Variants in SLC39A4 observed in about 807,000 individuals in gnomAD.
SLC39A4 encodes the protein zinc transporter ZIP4.
SLC39A4 carries 49 observed loss-of-function variants against 56.6 expected under a neutral mutation model. That is an observed-to-expected ratio of 0.87 (90% confidence interval 0.69 to 1.10). The LOEUF is 1.10. SLC39A4 is among the 50% of genes least tolerant of loss of function. SLC39A4 has a pLI of 0.00. For missense variants in SLC39A4, 993 were observed against 864.2 expected, an observed-to-expected ratio of 1.15 and a Z score of -1.87; for synonymous variants, 540 against 420.4, an observed-to-expected ratio of 1.28 and a Z score of -3.48.
chr8:144,412,633 G>A lies in SLC39A4; in HGVS notation c.1849C>T (p.Pro617Ser). Residue 617 changes from proline to serine, a missense_variant, in exon 12 of 12, where the codon CCC becomes TCC. By Grantham distance (74) the Pro-to-Ser change is moderately conservative. Transcript: ENST00000301305. ...TTGTGCAGCAGGAAGAGGAGCCAGG[G>A]CCGCGGGTCCCGTACTTTCAACATC... ...PAMLKVRDPR[P>S]WLLFLLHNVG... is the part of the protein sequence containing the mutation. The A allele has an allele frequency of 6.2e-7, 1 of 1,614,116 alleles. No homozygotes were observed. The highest frequency in any genetic ancestry group is 1.6e-4 in the Middle Eastern group (1 of 6,062).
intron 1 of SLC39A4, 132 bp from the exon 2 acceptor site, chr8:144,416,223 T>G: frequency 6.3e-7 from 1 of 1,585,212 alleles, no homozygotes; most frequent in Non-Finnish European, 8.5e-7. Flanking sequence ...TCTCAACCCC[T>G]GGCGCCCTTC....
Position 144,416,782 on chromosome 8 carries a change from G to A in SLC39A4, c.8C>T (p.Ser3Phe), listed in dbSNP as rs1414595491. 8 of 1,611,978 alleles carry A rather than the reference G, an allele frequency of 5.0e-6. No homozygotes were observed. In the Admixed American group the frequency reaches 1.3e-4, roughly 27 times the overall value. MASLVSLELGLLL... is the reference protein window; with the variant it reads MAFLVSLELGLLL... ...CAGCCCCAGCTCCAGCGAGACCAGG[G>A]ACGCCATACTCAGCTCCCAGCGTGC... The change falls in exon 1 of 12, where the codon TCC becomes TTC. Residue 3 changes from serine to phenylalanine, a missense_variant. Transcript: ENST00000301305.
intron 8 of SLC39A4, 64 bp from the exon 9 acceptor site, chr8:144,413,631 G>GGCCCC: frequency 6.5e-7 from 1 of 1,547,118 alleles, no homozygotes; most frequent in Non-Finnish European, 8.7e-7. Flanking sequence ...GGCGGGGCGG[G>GGCCCC]GCCCCAGATC....
chr8:144,415,627 G>A (rs1207795424), intron 2 of SLC39A4, among the ~76,000 whole-genome samples, 183 bp downstream of exon 2: 2 of 152,148 alleles, frequency 1.3e-5, no homozygotes, highest in Non-Finnish European at 2.9e-5. Flanking sequence ...TCCCTCCCGG[G>A]GCTCCTACAG....
At position 144,415,062 on chromosome 8, in the gene SLC39A4, C is replaced by T. The variant is rs1257206086; in HGVS notation, c.716G>A (p.Ser239Asn). The T allele has an allele frequency of 6.2e-7, 1 of 1,611,378 alleles. No homozygotes were observed. Among genetic ancestry groups the T allele is most frequent in the East Asian group, 2.2e-5 (1 of 44,896 alleles). The change falls in exon 4 of 12, where the codon AGT (serine) becomes AAT (asparagine). Residue 239 changes from serine (S) to asparagine (N), a missense_variant. Physicochemically the swap from Ser to Asn is conservative, Grantham distance 46 (BLOSUM62 1). Coordinates refer to ENST00000301305, the MANE Select transcript of SLC39A4 (RefSeq NM_130849.4). ...TCCCCTGTGCCGATGACTGTGGTCA[C>T]TGTGGGCCTCCCTGCCCACCCCCAG... ...QRLGVGREAH[S>N]DHSHRHRGAS...
chr8:144,416,636 C>G lies in SLC39A4; in HGVS notation c.154G>C (p.Ala52Pro). ...CCGTTGGCGCAGTGCACACGGTCCG[C>G]CAGCGTATTTAACAGGCCGCCCAGA... is the stretch of plus-strand genomic sequence containing the variant. ...EALGGLLNTL[A>P]DRVHCANGPC... Residue 52 changes from alanine (A) to proline (P), a missense_variant, in exon 1 of 12, where the codon GCG becomes CCG. Coordinates refer to ENST00000301305, the MANE Select transcript of SLC39A4 (RefSeq NM_130849.4). The G allele has an allele frequency of 6.2e-7, 1 of 1,605,880 alleles. No homozygotes were observed. The highest frequency in any genetic ancestry group is 8.5e-7 in the Non-Finnish European group (1 of 1,177,118).
At chr8:144,413,902 T>G in intron 7 of SLC39A4, 21 bp from the exon 8 acceptor site, 1 of 1,609,442 alleles carries the variant, frequency 6.2e-7, no homozygotes, top group Non-Finnish European at 8.5e-7. Flanking sequence ...AGGTGCTCAG[T>G]GTCCACCAGG....
rs782031962 is a variant in SLC39A4 at position 144,415,050 on chromosome 8, T to C, written c.728A>G (p.His243Arg). ...CCGGCTGCTGGCTCCCCTGTGCCGA[T>C]GACTGTGGTCACTGTGGGCCTCCCT... is the stretch of plus-strand genomic sequence containing the variant. ...VGREAHSDHS[H>R]RHRGASSRDP... Residue 243 changes from histidine (H) to arginine (R), a missense_variant, in exon 4 of 12, where the codon CAT becomes CGT. Transcript: ENST00000301305. 2 of 1,611,532 alleles carry C rather than the reference T, an allele frequency of 1.2e-6. No individual in the cohort carries two copies. The highest frequency in any genetic ancestry group is 1.7e-5 in the Admixed American group (1 of 60,004).
chr8:144,416,704 A>G lies in SLC39A4; in HGVS notation c.86T>C (p.Leu29Pro), dbSNP rs1554874157. 6.2e-7 allele frequency: 1 copy of G among 1,612,540 alleles called. No individual in the cohort carries two copies. Among genetic ancestry groups the G allele is most frequent in the East Asian group, 2.2e-5 (1 of 44,886 alleles). ...GCCCTGGCCAGAGGTGAGCAGGCTC[A>G]GCAGACCAGCAGGCGGGGACGCCGT... ...TATASPPAGLLSLLTSGQGAL... is the reference protein window; with the variant it reads ...TATASPPAGLPSLLTSGQGAL... Residue 29 changes from leucine (L) to proline (P), a missense_variant, in exon 1 of 12, where the codon CTG (leucine) becomes CCG (proline). Physicochemically the swap from Leu to Pro is moderately conservative, Grantham distance 98. Transcript: ENST00000301305.
intron 1 of SLC39A4, 81 bp downstream of exon 1, chr8:144,416,517 A>C: frequency 6.6e-7 from 1 of 1,517,916 alleles, no homozygotes; most frequent in Non-Finnish European, 8.8e-7. Context: ...GAGTTTGCCC[A>C]GGGCCCTTTG....
rs377147012 is a variant in SLC39A4, at chr8:144,414,072, G to A, written c.1173C>T (p.Ser391=). Residue 391 remains serine, a synonymous_variant, in exon 7 of 12, where the codon AGC becomes AGT. Transcript: ENST00000301305. The part of the protein sequence containing the change: ...TPKVLGLHTH[S]EEGLSPQPTW... ...TGGGCTGTGGGCTGAGGCCCTCTTC[G>A]CTGTGTGTATGCAGCCCCAGCACCT... The A allele has an allele frequency of 6.4e-6, 10 of 1,562,102 alleles. No homozygotes were observed. The Admixed American group carries it at 7.7e-5, about 12-fold the overall frequency.
rs121434287 is a variant in SLC39A4 at position 144,415,295 on chromosome 8, G to A, written c.599C>T (p.Pro200Leu). The change falls in exon 3 of 12, where the codon CCG becomes CTG. Residue 200 changes from proline (P) to leucine (L), a missense_variant. Physicochemically the swap from Pro to Leu is moderately conservative, Grantham distance 98. Transcript: ENST00000301305. ...VRSGSCFHAL[P>L]SPQYFVDFVF... is the part of the protein sequence containing the mutation. ...AAAGTCCACGAAGTACTGAGGGCTC[G>A]GCAAGGCGTGGAAGCAAGACCCGCT... 286 of 1,613,194 alleles carry A rather than the reference G, an allele frequency of 1.8e-4. No individual in the cohort carries two copies. The highest frequency in any genetic ancestry group is 2.2e-4 in the Non-Finnish European group (260 of 1,179,842).
chr8:144,416,553 C>A, intron 1 of SLC39A4, 45 bp downstream of exon 1: 1 of 1,541,856 alleles, frequency 6.5e-7, no homozygotes. Context: ...GCGGAGCTGG[C>A]GGGAAGAGGC....
intron 8 of SLC39A4, 57 bp from the exon 9 acceptor site, chr8:144,413,624 G>GGGGC: frequency 6.5e-7 from 1 of 1,547,466 alleles, no homozygotes; most frequent in Non-Finnish European, 8.7e-7. Flanking sequence ...GCGGTGGGGC[G>GGGGC]GGGCGGGGCC....
chr8:144,412,645 G>A lies in SLC39A4; in HGVS notation c.1837C>T (p.Arg613Trp), dbSNP rs781843190. The change falls in exon 12 of 12, where the codon CGG (arginine) becomes TGG (tryptophan). Residue 613 changes from arginine (R) to tryptophan (W), a missense_variant. Arg to Trp is a moderately radical substitution (Grantham distance 101). Coordinates refer to ENST00000301305, the MANE Select transcript of SLC39A4 (RefSeq NM_130849.4). Reference sequence around the variant, plus strand: ...AAGAGGAGCCAGGGCCGCGGGTCCCGTACTTTCAACATCGCCGGGAGCTGA... The same window carrying A: ...AAGAGGAGCCAGGGCCGCGGGTCCCATACTTTCAACATCGCCGGGAGCTGA... ...CDMLPAMLKV[R>W]DPRPWLLFLL... 2.0e-5 allele frequency: 33 copies of A among 1,613,922 alleles called. No homozygotes were observed. The highest frequency in any genetic ancestry group is 2.2e-5 in the South Asian group (2 of 91,084).
chr8:144,414,127 G>A (rs1001881338), intron 6 of SLC39A4, 32 bp from the exon 7 acceptor site: 1 of 1,554,794 alleles, frequency 6.4e-7, no homozygotes, highest in Non-Finnish European at 8.7e-7. Flanking sequence ...CTGGGGGGGA[G>A]GTCCCAGGGC....
chr8:144,414,003 G>T lies in SLC39A4; in HGVS notation c.1242C>A (p.Phe414Leu). Residue 414 changes from phenylalanine (F) to leucine (L), a missense_variant, in exon 7 of 12, where the codon TTC (phenylalanine) becomes TTA (leucine). Transcript: ENST00000301305. ...LAMLAGLYAF[F>L]LFENLFNLLL... ...GGAGATTGAAGAGGTTCTCAAACAG[G>T]AAGAAGGCGTAGAGCCCGGCCAGCA... is the stretch of plus-strand genomic sequence containing the variant. The T allele has an allele frequency of 6.2e-7, 1 of 1,607,010 alleles. No individual in the cohort carries two copies. Among genetic ancestry groups the T allele is most frequent in the African/African-American group, 1.3e-5 (1 of 74,888 alleles).
Position 144,412,953 on chromosome 8 carries a change from GC to G in SLC39A4, c.1628-8del. 6.3e-7 allele frequency: 1 copy of G among 1,591,494 alleles called. No homozygotes were observed. The highest frequency in any genetic ancestry group is 2.3e-5 in the East Asian group (1 of 44,236). ...AGCAAGGCGGCGAAGTCCCCTGCGGGCGAGTCCACATTAACAGCTCCGCCCT... is the reference window on the plus strand; with the variant it reads ...AGCAAGGCGGCGAAGTCCCCTGCGGGGAGTCCACATTAACAGCTCCGCCCT... On this transcript the variant is annotated splice_polypyrimidine_tract_variant and splice_region_variant and intron_variant, in intron 10 of 11. Coordinates refer to ENST00000301305, the MANE Select transcript of SLC39A4 (RefSeq NM_130849.4).
chr8:144,414,069 T>C lies in SLC39A4; in HGVS notation c.1176A>G (p.Glu392=), dbSNP rs1310610193. ...AGGTGGGCTGTGGGCTGAGGCCCTC[T>C]TCGCTGTGTGTATGCAGCCCCAGCA... ...PKVLGLHTHS[E]EGLSPQPTWR... The change falls in exon 7 of 12, where the codon GAA becomes GAG. Residue 392 remains glutamate, a synonymous_variant. Coordinates refer to ENST00000301305, the MANE Select transcript of SLC39A4 (RefSeq NM_130849.4). 3 of 1,563,306 alleles carry C rather than the reference T, an allele frequency of 1.9e-6. No individual in the cohort carries two copies. The African/African-American group carries it at 4.1e-5, about 21-fold the overall frequency.
Sources: gnomAD v4.1 joint callset for allele counts (sites outside exome capture counted in the v4.1 genomes callset) on GRCh38, gnomAD v4.1.1 for gene constraint, MANE v1.5 for transcripts, NCBI Gene and HGNC (gene_info 2026-07-23, HGNC 2026-07-21) for gene names.